Variants in CNDP1 observed in about 807,000 individuals in gnomAD.
CNDP1 encodes the protein carnosine dipeptidase 1.
CNDP1 carries 44 observed loss-of-function variants against 58.1 expected under a neutral mutation model. That is an observed-to-expected ratio of 0.76 (90% CI 0.60 to 0.97). The LOEUF (loss-of-function observed/expected upper bound fraction) is 0.97, where lower values mean the gene tolerates loss of function less well. Ranked by LOEUF, CNDP1 falls within the 50% of genes least tolerant of loss-of-function variation. The pLI is 0.00. For synonymous variants in CNDP1, 254 were observed against 252.6 expected, an observed-to-expected ratio of 1.01 and a Z score of -0.05; for missense variants, 616 against 655.1, an observed-to-expected ratio of 0.94 and a Z score of 0.65.
In CNDP1 at chr18:74,562,055, T is replaced by C. The variant is rs1334950515; in HGVS notation, c.475T>C (p.Tyr159His). ...TTCTCCCCTTTTTAAAGGGAAACTT[T>C]ATGGACGAGGAGCGACCGACAACAA... is the stretch of plus-strand genomic sequence containing the variant. ...YVLTEVDGKL[Y>H]GRGATDNKGP... is the part of the protein sequence containing the mutation. Residue 159 changes from tyrosine (Y) to histidine (H), a missense_variant, in exon 5 of 12, where the codon TAT (tyrosine) becomes CAT (histidine). By Grantham distance (83) the Tyr-to-His change is moderately conservative. Transcript: ENST00000358821. The C allele has an allele frequency of 6.2e-7, 1 of 1,613,876 alleles. No homozygotes were observed. The highest frequency in any genetic ancestry group is 2.2e-5 in the East Asian group (1 of 44,882).
rs1981040168 is a variant in CNDP1, at chr18:74,556,376, G to A, written c.63G>A (p.Glu21=). Residue 21 remains glutamate (E), a synonymous_variant, in exon 2 of 12, where the codon GAG becomes GAA. Coordinates refer to ENST00000358821, the MANE Select transcript of CNDP1 (RefSeq NM_032649.6). The stretch of plus-strand genomic sequence containing the variant: ...TGGCTGTGCTGCTGCTGCTGCTGGA[G>A]CGCGGCATGTTCTCCTCACCCTCCC... ...SLLAVLLLLL[E]RGMFSSPSPP... is the part of the protein sequence containing the mutation. 1.2e-6 allele frequency: 2 copies of A among 1,614,090 alleles called. No homozygotes were observed. Among genetic ancestry groups the A allele is most frequent in the African/African-American group, 1.3e-5 (1 of 74,952 alleles).
At chr18:74,573,272 ATCTT>A (rs1416717109) in intron 7 of CNDP1, among the ~76,000 whole-genome samples, 4 of 151,352 alleles carry the variant, frequency 2.6e-5, no homozygotes, top group African/African-American at 7.3e-5. Flanking sequence ...TCCATCTATC[ATCTT>A]TCTATCCATC....
At chr18:74,583,478 G>T in intron 10 of CNDP1, 83 bp from the exon 11 acceptor site, 1 of 1,104,074 alleles carries the variant, frequency 9.1e-7, no homozygotes, top group East Asian at 2.4e-5. Flanking sequence ...AGAGAGGAAG[G>T]TAAAGGAGGC....
rs1465808533 is a variant in CNDP1 at position 74,562,153 on chromosome 18, T to C, written c.555+18T>C. 6.2e-6 allele frequency: 10 copies of C among 1,611,926 alleles called. No individual in the cohort carries two copies. The highest frequency in any genetic ancestry group is 5.3e-5 in the African/African-American group (4 of 74,852). On this transcript the variant is annotated intron_variant, in intron 5 of 11. Transcript: ENST00000358821. Reference sequence around the variant, plus strand: ...TGGAGCAAGTAGGTGGCAGCTGTGTTTGGGAGAGAGGAGGAGGAGGATGGT... The same window carrying C: ...TGGAGCAAGTAGGTGGCAGCTGTGTCTGGGAGAGAGGAGGAGGAGGATGGT...
intron 11 of CNDP1, 185 bp downstream of exon 11, chr18:74,583,893 C>A: frequency 1.7e-6 from 1 of 603,582 alleles, no homozygotes; most frequent in Non-Finnish European, 2.9e-6. Context: ...AGGTGCCAGG[C>A]CATTTGGTTC....
In CNDP1 at chr18:74,566,852, G is replaced by A. The variant is rs112752035; in HGVS notation, c.556-381G>A. ...CCCACTCTACTGGTACCAATTTACTGTATTAGTCCATTTTCATGCTGTTGA... is the reference window on the plus strand; with the variant it reads ...CCCACTCTACTGGTACCAATTTACTATATTAGTCCATTTTCATGCTGTTGA... On this transcript the variant is annotated intron_variant, in intron 5 of 11. Coordinates refer to ENST00000358821, the MANE Select transcript of CNDP1 (RefSeq NM_032649.6). Among the ~76,000 whole-genome samples, 704 of 152,228 alleles carry A rather than the reference G, an allele frequency of 4.6e-3. 7 individuals are homozygous for A. Among genetic ancestry groups the A allele is most frequent in the African/African-American group, 0.016 (644 of 41,504 alleles).
intron 8 of CNDP1, chr18:74,577,407 A>G (rs1981661523): frequency 6.2e-6 from 1 of 160,698 alleles, no homozygotes; most frequent in African/African-American, 2.4e-5. Context: ...CTAACTGTTC[A>G]TTTTTCCAGA....
At chr18:74,571,128 C>T (rs376487866) in intron 6 of CNDP1, 58 bp from the exon 7 acceptor site, 1 of 1,155,498 alleles carries the variant, frequency 8.7e-7, no homozygotes, top group African/African-American at 1.5e-5. Flanking sequence ...ATGTGAAATG[C>T]TTACACTAAA....
intron 10 of CNDP1, among the ~76,000 whole-genome samples, chr18:74,582,930 C>G (rs1981823412): frequency 6.6e-6 from 1 of 152,176 alleles, no homozygotes; most frequent in African/African-American, 2.4e-5. Flanking sequence ...GGAGCTCTCT[C>G]TCTACTATTT....
chr18:74,535,580 C>CTTTTTTTTTTTTTTT (rs10685765), intron 1 of CNDP1, among the ~76,000 whole-genome samples: 8,383 of 105,682 alleles, frequency 0.079, 777 homozygotes, highest in East Asian at 0.12. Flanking sequence ...CCATTGCTGA[C>CTTTTTTTTTTTTTTT]TTTTTTTTTT....
At chr18:74,563,446 C>A (rs1432612067) in intron 5 of CNDP1, among the ~76,000 whole-genome samples, 1 of 152,014 alleles carries the variant, frequency 6.6e-6, no homozygotes, top group African/African-American at 2.4e-5. Context: ...ATAAAAAGGC[C>A]AAAATCTGTT....
chr18:74,571,305 A>C, intron 7 of CNDP1, 35 bp downstream of exon 7: 1 of 1,406,682 alleles, frequency 7.1e-7, no homozygotes, highest in Non-Finnish European at 1.0e-6. Context: ...TTTAAGCATC[A>C]GGGATCAACT....
At position 74,584,162 on chromosome 18, in the gene CNDP1, G is replaced by A. The variant is rs917316956; in HGVS notation, c.1458-334G>A. ...GCTATTAGGAATGTTTGCTTTATGC[G>A]CTACTGGCAGATACTACAAGATCTC... On this transcript the variant is annotated intron_variant, in intron 11 of 11. Transcript: ENST00000358821. 25 of 347,770 alleles carry A rather than the reference G, an allele frequency of 7.2e-5. 1 individual carries two copies. The South Asian group carries it at 7.7e-4, about 11-fold the overall frequency. 21.5% of individuals were successfully genotyped at this position (347,770 alleles called of 1,614,324 possible). A position where few individuals can be genotyped will look rare whatever the true frequency, so the allele number is the denominator to read the frequency against.
chr18:74,584,073 G>A (rs756730584), intron 11 of CNDP1: 1 of 299,078 alleles, frequency 3.3e-6, no homozygotes, highest in Admixed American at 4.7e-5. Context: ...CAGACACACT[G>A]GGGGGTTAGG....
intron 9 of CNDP1, among the ~76,000 whole-genome samples, chr18:74,578,950 T>C (rs1290395450): frequency 6.6e-6 from 1 of 152,178 alleles, no homozygotes; most frequent in East Asian, 1.9e-4. Context: ...CAAGTTAGTT[T>C]AACAGAAAGT....
rs1458818655 is a variant in CNDP1, at chr18:74,578,237, T to C, written c.1077T>C (p.Pro359=). The change falls in exon 9 of 12, where the codon CCT becomes CCC. Residue 359 remains proline (P), a synonymous_variant. Transcript: ENST00000358821. The part of the protein sequence containing the change: ...IHGIEGAFDE[P]GTKTVIPGRV... ...GGATCGAGGGCGCGTTTGATGAGCC[T>C]GGAACTAAAACAGTCATACCTGGCC... 1 of 1,613,974 alleles carries C rather than the reference T, an allele frequency of 6.2e-7. No homozygotes were observed. Among genetic ancestry groups the C allele is most frequent in the Non-Finnish European group, 8.5e-7 (1 of 1,180,002 alleles).
intron 1 of CNDP1, among the ~76,000 whole-genome samples, chr18:74,553,662 A>G (rs996369190): frequency 6.6e-6 from 1 of 152,182 alleles, no homozygotes; most frequent in Non-Finnish European, 1.5e-5. Context: ...ATTTATAACT[A>G]TTCTTAAACT....
intron 1 of CNDP1, among the ~76,000 whole-genome samples, chr18:74,539,178 C>CA (rs5826332): frequency 0.72 from 103,739 of 143,184 alleles, 38,964 homozygotes; most frequent in East Asian, 0.96. Flanking sequence ...TCCCTCATCT[C>CA]AAAAAAAAAA....
intron 7 of CNDP1, chr18:74,576,173 ATT>A: frequency 6.8e-6 from 1 of 148,126 alleles, no homozygotes; most frequent in African/African-American, 2.5e-5. Context: ...TGGCCGTATA[ATT>A]TTTTTTTTGA....
Sources: gnomAD v4.1 joint callset for allele counts (sites outside exome capture counted in the v4.1 genomes callset) on GRCh38, gnomAD v4.1.1 for gene constraint, MANE v1.5 for transcripts, NCBI Gene and HGNC (gene_info 2026-07-23, HGNC 2026-07-21) for gene names.